TRPM3: variants seen among roughly 807,000 people sequenced by gnomAD.
TRPM3 encodes long transient receptor potential channel 3.
TRPM3 carries 77 observed loss-of-function variants against 181.2 expected under a neutral mutation model. The observed-to-expected ratio is 0.42, with a 90% CI of 0.35 to 0.51. TRPM3 has a LOEUF of 0.51. Ranked by LOEUF, TRPM3 falls within the 20% of genes least tolerant of loss-of-function variation. The probability of loss-of-function intolerance (pLI) is 0.01; values close to 1 mark genes in which losing one functional copy is unlikely to be tolerated. For synonymous variants in TRPM3, 745 were observed against 796.4 expected, an observed-to-expected ratio of 0.94 and a Z score of 1.09; for missense variants, 1,759 against 2,196.7, an observed-to-expected ratio of 0.80 and a Z score of 3.98.
At chr9:70,587,154 A>G (rs1822010058) in intron 22 of TRPM3, among the ~76,000 whole-genome samples, 1 of 152,216 alleles carries the variant, frequency 6.6e-6, no homozygotes, top group Non-Finnish European at 1.5e-5. Flanking sequence ...GGCATTAAGT[A>G]GATTGGATAG....
chr9:70,758,397 C>T (rs1261241691), intron 8 of TRPM3, among the ~76,000 whole-genome samples: 1 of 152,158 alleles, frequency 6.6e-6, no homozygotes, highest in African/African-American at 2.4e-5. Context: ...TGAAAATAGT[C>T]ATACTGCCAA....
chr9:71,045,123 G>A (rs751445173), intron 1 of TRPM3, among the ~76,000 whole-genome samples: 41 of 151,706 alleles, frequency 2.7e-4, no homozygotes, highest in Middle Eastern at 3.5e-3. Flanking sequence ...TGGAGATGGA[G>A]TCTCGCTCTG....
intron 1 of TRPM3, among the ~76,000 whole-genome samples, chr9:71,232,514 T>TTTTC (rs2081120687): frequency 7.0e-6 from 1 of 142,608 alleles, no homozygotes; most frequent in Non-Finnish European, 1.5e-5. Context: ...TTTTTTTTTT[T>TTTTC]TTTTGAGACA....
rs774925368 is a variant in TRPM3 at position 71,021,506 on chromosome 9, G to A, written c.177+99672C>T. On this transcript the variant is annotated intron_variant, in intron 1 of 25. Transcript: ENST00000677713. ...AACCTTTGTATTGAAATAGACAAGG[G>A]GTTGTTACTTAGCACGCTAGGGAAA... 1.7e-3 allele frequency among the ~76,000 whole-genome samples: 261 copies of A among 152,160 alleles called. 4 individuals carry two copies. Among genetic ancestry groups the A allele is most frequent in the Non-Finnish European group, 2.2e-4 (15 of 67,994 alleles).
intron 1 of TRPM3, among the ~76,000 whole-genome samples, chr9:70,919,634 A>C (rs1246883951): frequency 6.6e-6 from 1 of 151,934 alleles, no homozygotes; most frequent in Non-Finnish European, 1.5e-5. Context: ...AAATACAAAA[A>C]TTAGCTGGGC....
chr9:70,916,308 A>T (rs1331639059), intron 1 of TRPM3, among the ~76,000 whole-genome samples: 1 of 152,240 alleles, frequency 6.6e-6, no homozygotes, highest in Non-Finnish European at 1.5e-5. Flanking sequence ...CTGAAGGTAC[A>T]AAACTCATTG....
chr9:70,791,555 C>T (rs1352458239), intron 6 of TRPM3, among the ~76,000 whole-genome samples: 2 of 152,118 alleles, frequency 1.3e-5, no homozygotes, highest in Admixed American at 6.5e-5. Flanking sequence ...CTTAATGAAC[C>T]CCCTCTATGT....
At chr9:70,811,330 T>G (rs1322691630) in intron 6 of TRPM3, 3 of 1,144,186 alleles carry the variant, frequency 2.6e-6, no homozygotes, top group African/African-American at 3.1e-5. Flanking sequence ...CCAATTTACA[T>G]AAATTTATAT....
At chr9:70,832,859 C>T (rs2131799514) in intron 5 of TRPM3, among the ~76,000 whole-genome samples, 1 of 152,286 alleles carries the variant, frequency 6.6e-6, no homozygotes, top group Middle Eastern at 3.4e-3. Flanking sequence ...TAATTTCTAA[C>T]ATGGGGCAAG....
At chr9:71,300,985 T>G (rs928224333) in intron 1 of TRPM3, among the ~76,000 whole-genome samples, 1 of 152,152 alleles carries the variant, frequency 6.6e-6, no homozygotes, top group African/African-American at 2.4e-5. Context: ...TGTGCTAGAT[T>G]CCATGCTATT....
chr9:70,572,272 G>T (rs1386416262), intron 22 of TRPM3, among the ~76,000 whole-genome samples: 2 of 152,140 alleles, frequency 1.3e-5, no homozygotes, highest in Non-Finnish European at 2.9e-5. Flanking sequence ...TTTGTAGAAA[G>T]GTTGCAGAGT....
chr9:71,096,562 A>G (rs991524821), intron 1 of TRPM3, among the ~76,000 whole-genome samples: 1 of 84,678 alleles, frequency 1.2e-5, no homozygotes, highest in Non-Finnish European at 2.6e-5. Flanking sequence ...GAGCGCATGC[A>G]CACACACACA....
At chr9:71,373,364 A>AACAG (rs1167992874) in intron 1 of TRPM3, among the ~76,000 whole-genome samples, 1 of 152,120 alleles carries the variant, frequency 6.6e-6, no homozygotes, top group Non-Finnish European at 1.5e-5. Flanking sequence ...AAAATTACAA[A>AACAG]ACAGACAGAC....
At chr9:70,773,700 C>T (rs184670317) in intron 7 of TRPM3, among the ~76,000 whole-genome samples, 20 of 152,260 alleles carry the variant, frequency 1.3e-4, no homozygotes, top group Non-Finnish European at 2.2e-4. Flanking sequence ...CAAGCAGTAA[C>T]CTACACTAAA....
chr9:71,046,900 G>A (rs2133081493), intron 1 of TRPM3, among the ~76,000 whole-genome samples: 1 of 152,216 alleles, frequency 6.6e-6, no homozygotes, highest in South Asian at 2.1e-4. Flanking sequence ...TTTTCTAAAT[G>A]CCATAAAGTT....
At chr9:70,576,844 G>A (rs1010145043) in intron 22 of TRPM3, among the ~76,000 whole-genome samples, 1 of 152,090 alleles carries the variant, frequency 6.6e-6, no homozygotes, top group Non-Finnish European at 1.5e-5. Context: ...CAATCACACT[G>A]GCATTTTTTT....
At chr9:71,367,378 C>T (rs912692125) in intron 1 of TRPM3, among the ~76,000 whole-genome samples, 5 of 152,150 alleles carry the variant, frequency 3.3e-5, no homozygotes, top group Non-Finnish European at 2.9e-5. Context: ...TTCAGGAGAG[C>T]TCAATGAGTT....
intron 1 of TRPM3, among the ~76,000 whole-genome samples, chr9:71,253,128 G>C (rs1454048927): frequency 1.3e-5 from 2 of 152,048 alleles, no homozygotes; most frequent in Non-Finnish European, 2.9e-5. Context: ...CCATGTGTCT[G>C]TCTTTCTTAT....
intron 1 of TRPM3, among the ~76,000 whole-genome samples, chr9:71,076,495 C>T (rs546085282): frequency 1.3e-5 from 2 of 152,164 alleles, no homozygotes; most frequent in Non-Finnish European, 2.9e-5. Flanking sequence ...CAGGAATATA[C>T]CTCTGCCAGT....
Sources: allele counts gnomAD v4.1 joint callset (sites outside exome capture counted in the v4.1 genomes callset), GRCh38; gene constraint gnomAD v4.1.1; transcripts MANE v1.5; gene names NCBI Gene and HGNC (gene_info 2026-07-23, HGNC 2026-07-21).